Variants in ADARB2 observed in about 807,000 individuals in gnomAD.
The protein encoded by ADARB2 is adenosine deaminase RNA specific B2 (inactive).
In ADARB2, 25 loss-of-function variants were observed where a neutral mutation model predicts 62.2. The ratio of observed to expected loss-of-function variants is 0.40; its 90% CI spans 0.29 to 0.56. ADARB2 has a LOEUF of 0.56. Among genes scored for constraint, ADARB2 ranks in the 20% least tolerant of loss-of-function variants. ADARB2 has a pLI of 0.43. For synonymous variants in ADARB2, 572 were observed against 500.8 expected, an observed-to-expected ratio of 1.14 and a Z score of -1.90; for missense variants, 1,071 against 1,077.4, an observed-to-expected ratio of 0.99 and a Z score of 0.08.
intron 1 of ADARB2, among the ~76,000 whole-genome samples, chr10:1,497,772 A>T (rs1318857043): frequency 6.6e-6 from 1 of 152,182 alleles, no homozygotes; most frequent in Non-Finnish European, 1.5e-5. Context: ...GGGATCTCAC[A>T]TACATTCCTG....
At chr10:1,599,775 C>G (rs1335389688) in intron 1 of ADARB2, among the ~76,000 whole-genome samples, 2 of 152,106 alleles carry the variant, frequency 1.3e-5, no homozygotes, top group African/African-American at 4.8e-5. Context: ...GGGTGCTGCT[C>G]TGTTGCCGAG....
Position 1,593,417 on chromosome 10 carries a change from C to T in ADARB2, c.100+143634G>A, listed in dbSNP as rs1338160148. 7.9e-5 allele frequency among the ~76,000 whole-genome samples: 12 copies of T among 152,350 alleles called. 1 individual carries two copies. Among genetic ancestry groups the T allele is most frequent in the African/African-American group, 2.6e-4 (11 of 41,572 alleles). On this transcript the variant is annotated intron_variant, in intron 1 of 9. Transcript: ENST00000381312. Reference sequence around the variant, plus strand: ...CTTGCCCTAGCCATGCTCCATAGGTCGCCTCTCTGGTCCAACAGTGTCAGG... The same window carrying T: ...CTTGCCCTAGCCATGCTCCATAGGTTGCCTCTCTGGTCCAACAGTGTCAGG...
chr10:1,194,955 TAG>T (rs1201709340), intron 8 of ADARB2, among the ~76,000 whole-genome samples: 1 of 152,206 alleles, frequency 6.6e-6, no homozygotes, highest in African/African-American at 2.4e-5. Context: ...TAATTTTTTG[TAG>T]AGTTATTTTG....
chr10:1,398,358 C>T lies in ADARB2; in HGVS notation c.101-19198G>A, dbSNP rs117464763. Among the ~76,000 whole-genome samples the T allele has an allele frequency of 2.5e-4, 38 of 152,374 alleles. 1 individual carries two copies. In the East Asian group the frequency reaches 6.0e-3, roughly 24 times the overall value. On this transcript the variant is annotated intron_variant, in intron 1 of 9. Transcript: ENST00000381312. This position sits in a 1 kb window ranked among gnomAD's most constrained non-coding sequence, Gnocchi z 4.1. ...CCCAGCACAGGCAGTGGCACTGACA[C>T]GGGGTGAAAGACCATGAGCGCTCCT... is the stretch of plus-strand genomic sequence containing the variant.
chr10:1,446,874 G>A (rs769840166), intron 1 of ADARB2, among the ~76,000 whole-genome samples: 1 of 152,120 alleles, frequency 6.6e-6, no homozygotes, highest in Non-Finnish European at 1.5e-5. Context: ...CTTAGGCCCC[G>A]GGAGGGTTGA....
At chr10:1,665,098 A>C (rs1588344300) in intron 1 of ADARB2, among the ~76,000 whole-genome samples, 1 of 152,152 alleles carries the variant, frequency 6.6e-6, no homozygotes, top group Non-Finnish European at 1.5e-5. Flanking sequence ...AACTTCTTGT[A>C]TTAAGTTTCA....
At chr10:1,450,454 C>A (rs1025151279) in intron 1 of ADARB2, among the ~76,000 whole-genome samples, 8 of 152,210 alleles carry the variant, frequency 5.3e-5, no homozygotes, top group African/African-American at 1.2e-4. Context: ...TGATTCAGCA[C>A]CGGACTCTGA....
intron 3 of ADARB2, among the ~76,000 whole-genome samples, chr10:1,277,281 A>G (rs1358122678): frequency 1.3e-5 from 2 of 152,216 alleles, no homozygotes; most frequent in Non-Finnish European, 2.9e-5. Context: ...GGAAATAGAG[A>G]CACAAAAAAC....
At chr10:1,614,446 C>T (rs965724195) in intron 1 of ADARB2, among the ~76,000 whole-genome samples, 2 of 152,178 alleles carry the variant, frequency 1.3e-5, no homozygotes, top group African/African-American at 4.8e-5. Flanking sequence ...GGATCAATTT[C>T]TGAAAGTTCA....
intron 1 of ADARB2, chr10:1,556,564 G>A: frequency 2.4e-6 from 1 of 412,158 alleles, no homozygotes; most frequent in South Asian, 1.9e-5. Context: ...TCGACTCCAT[G>A]GTCTGGGGAG....
chr10:1,464,607 A>G (rs368666255), intron 1 of ADARB2, among the ~76,000 whole-genome samples: 1 of 60,984 alleles, frequency 1.6e-5, no homozygotes, highest in East Asian at 5.2e-4. Flanking sequence ...ACACTCCCCC[A>G]CACACGCGCT....
In ADARB2 at chr10:1,177,647, A is replaced by G. The variant is rs1423448799; in HGVS notation, c.*5546T>C. 1 of 152,170 alleles carries G rather than the reference A, an allele frequency of 6.6e-6. No homozygotes were observed. Among genetic ancestry groups the G allele is most frequent in the Non-Finnish European group, 1.5e-5 (1 of 68,038 alleles). 9.4% of individuals were successfully genotyped at this position (152,170 alleles called of 1,614,324 possible). ...GAGATAGAAATCTAGGGCCTGTGTG[A>G]AAAGAGGCACTGGGACCAGGTGATC... On this transcript the variant is annotated 3_prime_UTR_variant, in exon 10 of 10. Transcript: ENST00000381312.
chr10:1,247,441 A>G (rs970632861), intron 4 of ADARB2, among the ~76,000 whole-genome samples: 79 of 152,310 alleles, frequency 5.2e-4, no homozygotes, highest in African/African-American at 1.8e-3. Context: ...GTTTTTGCCC[A>G]TTCAGTATGA....
chr10:1,343,247 A>G (rs1040240608), intron 3 of ADARB2, among the ~76,000 whole-genome samples: 19 of 152,266 alleles, frequency 1.2e-4, no homozygotes, highest in African/African-American at 4.1e-4. Context: ...CATGCAGTCA[A>G]TAAGCATATG....
At chr10:1,455,686 G>A (rs1232496205) in intron 1 of ADARB2, among the ~76,000 whole-genome samples, 1 of 152,002 alleles carries the variant, frequency 6.6e-6, no homozygotes, top group African/African-American at 2.4e-5. Flanking sequence ...CTATATTTGA[G>A]GGAACTGAGC....
intron 1 of ADARB2, among the ~76,000 whole-genome samples, chr10:1,518,692 A>T (rs1400377561): frequency 5.4e-4 from 81 of 149,948 alleles, no homozygotes; most frequent in Non-Finnish European, 7.4e-4. Flanking sequence ...CTGTACACAA[A>T]GTGGTCATAC....
chr10:1,624,159 A>C lies in ADARB2; in HGVS notation c.100+112892T>G, dbSNP rs555749446. ...TGAGGTGGGGGTATCACCTGAGCCC[A>C]GGAGGCTGAGACCCCAGTGGGCTTT... On this transcript the variant is annotated intron_variant, in intron 1 of 9. Transcript: ENST00000381312. Among the ~76,000 whole-genome samples, 3 of 152,308 alleles carry C rather than the reference A, an allele frequency of 2.0e-5. No homozygotes were observed. In the South Asian group the frequency reaches 6.2e-4, roughly 32 times the overall value.
chr10:1,384,468 G>A (rs1046815378), intron 1 of ADARB2, among the ~76,000 whole-genome samples: 9 of 152,200 alleles, frequency 5.9e-5, no homozygotes, highest in Non-Finnish European at 1.0e-4. Flanking sequence ...TTTGCTGGCC[G>A]TGAATGGACA....
At chr10:1,593,408 T>G (rs113112901) in intron 1 of ADARB2, among the ~76,000 whole-genome samples, 1 of 152,238 alleles carries the variant, frequency 6.6e-6, no homozygotes, top group African/African-American at 2.4e-5. Context: ...CTAGCCATGC[T>G]CCATAGGTCG....
Sources: gnomAD v4.1 joint callset for allele counts (sites outside exome capture counted in the v4.1 genomes callset) on GRCh38, gnomAD v4.1.1 for gene constraint, Gnocchi (gnomAD v3.1) non-coding constraint, MANE v1.5 for transcripts, NCBI Gene and HGNC (gene_info 2026-07-23, HGNC 2026-07-21) for gene names.